The following HHLA2 variants were observed in gnomAD, a reference collection of about 807,000 sequenced individuals.
HHLA2 encodes the protein HERV-H LTR-associating protein 2.
HHLA2 carries 48 observed loss-of-function variants against 45.9 expected under a neutral mutation model. The ratio of observed to expected loss-of-function variants is 1.05; its 90% CI spans 0.83 to 1.33. HHLA2 has a LOEUF of 1.33. HHLA2 is among the 40% of genes most tolerant of loss of function. The pLI is 0.00. For synonymous variants in HHLA2, 161 were observed against 173.9 expected (o/e 0.93, Z 0.59); for missense variants, 462 against 494.3 (o/e 0.93, Z 0.62).
chr3:108,370,978 G>A (rs1229786797), intron 8 of HHLA2, among the ~76,000 whole-genome samples: 7 of 152,058 alleles, frequency 4.6e-5, no homozygotes, highest in South Asian at 4.2e-4. Flanking sequence ...TACAGAGAAC[G>A]CCAGAAAGAT....
intron 10 of HHLA2, 40 bp downstream of exon 9, chr3:108,376,597 A>C: frequency 6.5e-7 from 1 of 1,550,310 alleles, no homozygotes; most frequent in South Asian, 1.2e-5. Flanking sequence ...ATACAGTATA[A>C]AAATGCTTCT....
chr3:108,377,120 T>C, intron 10 of HHLA2, 138 bp from the exon 10 acceptor site: 1 of 631,880 alleles, frequency 1.6e-6, no homozygotes, highest in South Asian at 1.9e-5. Context: ...CTCATGGATC[T>C]TTAATTTCAG....
chr3:108,374,465 C>T (rs1280899426), intron 8 of HHLA2, among the ~76,000 whole-genome samples: 3 of 149,346 alleles, frequency 2.0e-5, no homozygotes, highest in Non-Finnish European at 4.5e-5. Context: ...CAACAAAAGA[C>T]AAAATTGACA....
intron 8 of HHLA2, among the ~76,000 whole-genome samples, chr3:108,369,143 A>G (rs1478614204): frequency 1.3e-5 from 2 of 152,226 alleles, no homozygotes; most frequent in East Asian, 3.9e-4. Context: ...TAATTAAATT[A>G]AGGCAGAAAT....
chr3:108,353,539 C>G, exon 5 of HHLA2: 1 of 1,613,162 alleles, frequency 6.2e-7, no homozygotes, highest in Non-Finnish European at 8.5e-7. Context: ...GATCCGAAGT[C>G]GTAATACACT....
chr3:108,314,596 C>T (rs529422267), intron 2 of HHLA2, among the ~76,000 whole-genome samples: 42 of 152,116 alleles, frequency 2.8e-4, no homozygotes, highest in Admixed American at 1.2e-3. Flanking sequence ...GCAACCTCCC[C>T]GGTCAAAAGG....
chr3:108,347,475 A>G (rs748885430), intron 3 of HHLA2, among the ~76,000 whole-genome samples: 1 of 152,160 alleles, frequency 6.6e-6, no homozygotes, highest in Non-Finnish European at 1.5e-5. Context: ...AGACAGGACC[A>G]GGAGTGGTGG....
intron 3 of HHLA2, among the ~76,000 whole-genome samples, chr3:108,334,286 C>T (rs2081434970): frequency 6.6e-6 from 1 of 152,178 alleles, no homozygotes; most frequent in Non-Finnish European, 1.5e-5. Context: ...CTTTTAAGGT[C>T]TGTGTTTCAG....
intron 3 of HHLA2, among the ~76,000 whole-genome samples, chr3:108,336,093 C>T (rs2081467787): frequency 6.6e-6 from 1 of 151,990 alleles, no homozygotes; most frequent in South Asian, 2.1e-4. Flanking sequence ...ATCTTGTTAT[C>T]CCACCCAAAT....
intron 2 of HHLA2, among the ~76,000 whole-genome samples, chr3:108,319,753 TTGAG>T (rs762937877): frequency 6.6e-6 from 1 of 152,228 alleles, no homozygotes; most frequent in Non-Finnish European, 1.5e-5. Context: ...ATAAAATATT[TTGAG>T]TATCTCTTTT....
rs974308511 is a variant in HHLA2, at chr3:108,350,050, T to A, written c.-26-1738T>A. ...AATGGCATATAGAGGCAAAAGGTAT[T>A]ATTACATGTTTACATATTTTCATAG... On this transcript the variant is annotated intron_variant, in intron 3 of 10. Coordinates refer to ENST00000619531, the Ensembl canonical transcript of HHLA2. Among the ~76,000 whole-genome samples, 50 of 152,188 alleles carry A rather than the reference T, an allele frequency of 3.3e-4. 3 individuals are homozygous for A. Among genetic ancestry groups the A allele is most frequent in the Admixed American group, 3.3e-3 (50 of 15,264 alleles).
intron 1 of HHLA2, among the ~76,000 whole-genome samples, chr3:108,301,521 G>T (rs978089926): frequency 6.6e-6 from 1 of 151,732 alleles, no homozygotes; most frequent in African/African-American, 2.4e-5. Context: ...TTACCCCTTA[G>T]TTCCTCCCCA....
chr3:108,346,359 T>A (rs1222467646), intron 3 of HHLA2, among the ~76,000 whole-genome samples: 1 of 152,212 alleles, frequency 6.6e-6, no homozygotes, highest in East Asian at 1.9e-4. Flanking sequence ...AAAATCTAAG[T>A]GGATGCTAAG....
exon 5 of HHLA2, chr3:108,353,528 G>A: frequency 6.2e-7 from 1 of 1,612,840 alleles, no homozygotes; most frequent in Non-Finnish European, 8.5e-7. Context: ...ATTTGAGAGG[G>A]GATCCGAAGT....
chr3:108,355,914 C>T (rs188157958), intron 6 of HHLA2, among the ~76,000 whole-genome samples: 41 of 152,130 alleles, frequency 2.7e-4, no homozygotes, highest in South Asian at 6.2e-4. Context: ...TTTTAGCGCT[C>T]GTTCCTCTCA....
intron 2 of HHLA2, among the ~76,000 whole-genome samples, chr3:108,321,808 T>C (rs1168410855): frequency 3.3e-5 from 5 of 152,148 alleles, no homozygotes; most frequent in Non-Finnish European, 5.9e-5. Flanking sequence ...TTTTTGCTTA[T>C]TTTCTGCCTC....
Position 108,325,244 on chromosome 3 carries a change from A to G in HHLA2, c.-104-3026A>G, listed in dbSNP as rs1042085212. Among the ~76,000 whole-genome samples, 14 of 152,190 alleles carry G rather than the reference A, an allele frequency of 9.2e-5. No homozygotes were observed. The East Asian group carries it at 2.3e-3, about 25-fold the overall frequency. On this transcript the variant is annotated intron_variant, in intron 2 of 10. Transcript: ENST00000619531. ...GCATGGGTGCAAAAAACAAAAAAAA[A>G]CTATGTTAAAACCCTTTGATGGAAT...
chr3:108,332,070 G>C (rs1006957488), intron 3 of HHLA2, among the ~76,000 whole-genome samples: 3 of 152,128 alleles, frequency 2.0e-5, no homozygotes, highest in Non-Finnish European at 2.9e-5. Context: ...AGTTTCTTTT[G>C]ACTAACTAGT....
intron 3 of HHLA2, among the ~76,000 whole-genome samples, chr3:108,334,568 AG>A (rs1434194304): frequency 1.3e-5 from 2 of 152,228 alleles, no homozygotes; most frequent in African/African-American, 4.8e-5. Flanking sequence ...AAAGTTGCCA[AG>A]GATAGACATC....
Sources: allele counts gnomAD v4.1 joint callset (sites outside exome capture counted in the v4.1 genomes callset), GRCh38; gene constraint gnomAD v4.1.1; transcripts MANE v1.5; gene names NCBI Gene and HGNC (gene_info 2026-07-23, HGNC 2026-07-21).